Variants in NDST4 observed in about 807,000 individuals in gnomAD.
The protein encoded by NDST4 is N-deacetylase and N-sulfotransferase 4, also known as N-heparan sulfate sulfotransferase 4.
In NDST4, 63 loss-of-function variants were observed where a neutral mutation model predicts 100.8. The ratio of observed to expected loss-of-function variants is 0.62; its 90% CI spans 0.51 to 0.77. The LOEUF is 0.77. NDST4 is among the 30% of genes least tolerant of loss of function. NDST4 has a pLI of 0.00. For missense variants in NDST4, 943 were observed against 1,018.4 expected (o/e 0.93, Z 1.01); for synonymous variants, 377 against 361.8 (o/e 1.04, Z -0.48).
intron 2 of NDST4, among the ~76,000 whole-genome samples, chr4:115,012,094 T>C (rs1727560285): frequency 6.6e-6 from 1 of 151,852 alleles, no homozygotes; most frequent in Admixed American, 6.6e-5. Context: ...GATAAATTAC[T>C]TCACAAAAGA....
chr4:115,099,044 A>G (rs1729677258), intron 1 of NDST4, among the ~76,000 whole-genome samples: 1 of 152,204 alleles, frequency 6.6e-6, no homozygotes, highest in Non-Finnish European at 1.5e-5. Flanking sequence ...AGGTAATGCA[A>G]TGCAGAAAGG....
At position 114,929,074 on chromosome 4, in the gene NDST4, G is replaced by GTCCATCCA. The variant is rs1295994273; in HGVS notation, c.1536+6124_1536+6131dup. Among the ~76,000 whole-genome samples the GTCCATCCA allele has an allele frequency of 1.9e-3, 229 of 120,566 alleles. 4 individuals carry two copies. The highest frequency in any genetic ancestry group is 0.013 in the East Asian group (48 of 3,602). The allele number at this position is 120,566 out of a possible 152,430, so 79.1% of individuals were successfully genotyped here. ...CGTCCGTCCGTCCGTCCGTCCGTCCGTCCATCCATCCATCCATCCATCCAT... is the reference window on the plus strand; with the variant it reads ...CGTCCGTCCGTCCGTCCGTCCGTCCGTCCATCCATCCATCCATCCATCCATCCATCCAT... On this transcript the variant is annotated intron_variant, in intron 6 of 13. Coordinates refer to ENST00000264363, the MANE Select transcript of NDST4 (RefSeq NM_022569.3).
rs148165318 is a variant in NDST4, at chr4:114,870,877, A to G, written c.1610T>C (p.Val537Ala). The G allele has an allele frequency of 6.2e-7, 1 of 1,613,304 alleles. No individual in the cohort carries two copies. The highest frequency in any genetic ancestry group is 1.3e-5 in the African/African-American group (1 of 74,974). Residue 537 changes from valine to alanine, a missense_variant, in exon 7 of 14, where the codon GTC becomes GCC. By Grantham distance (64) the Val-to-Ala change is moderately conservative. Transcript: ENST00000264363. ...GTTGGTCCAGCTCTGCACAAAGTTG[A>G]CCAAGTTCACAAAGGTATATAACCC... is the stretch of plus-strand genomic sequence containing the variant. ...RLGLYTFVNLVNFVQSWTNLK... is the reference protein window; with the variant it reads ...RLGLYTFVNLANFVQSWTNLK...
intron 6 of NDST4, among the ~76,000 whole-genome samples, chr4:114,879,228 G>T (rs1045281957): frequency 6.6e-6 from 1 of 151,870 alleles, no homozygotes; most frequent in Admixed American, 6.6e-5. Flanking sequence ...ATTATTATTC[G>T]CTATAGTCCC....
chr4:114,971,312 C>T (rs958512156), intron 3 of NDST4, among the ~76,000 whole-genome samples: 4 of 151,846 alleles, frequency 2.6e-5, no homozygotes, highest in Non-Finnish European at 4.4e-5. Flanking sequence ...ACTAGTATCA[C>T]TTTCTCTTCT....
rs1388696193 is a variant in NDST4 at position 115,076,764 on chromosome 4, G to A, written c.273C>T (p.Leu91=). 3.2e-5 allele frequency: 51 copies of A among 1,613,776 alleles called. No homozygotes were observed. Among genetic ancestry groups the A allele is most frequent in the East Asian group, 1.1e-4 (5 of 44,828 alleles). Residue 91 remains leucine, a synonymous_variant, in exon 2 of 14, where the codon CTC becomes CTT. Transcript: ENST00000264363. ...CCAAAATAGCTATGATATCTTGACC[G>A]AGTTGAGAGTATTGGCTCTCCACGA... ...LLFVESQYSQ[L]GQDIIAILES... is the part of the protein sequence containing the mutation.
At chr4:115,089,749 A>G (rs188148498) in intron 1 of NDST4, among the ~76,000 whole-genome samples, 1 of 152,048 alleles carries the variant, frequency 6.6e-6, no homozygotes, top group East Asian at 1.9e-4. Flanking sequence ...GTTCAATGTT[A>G]TAATGTTTTA....
At chr4:114,996,540 A>G (rs1011256106) in intron 2 of NDST4, among the ~76,000 whole-genome samples, 4 of 152,052 alleles carry the variant, frequency 2.6e-5, no homozygotes, top group African/African-American at 9.7e-5. Flanking sequence ...TAAGTAATAG[A>G]AACATCCAAG....
At chr4:114,929,746 T>C (rs950799114) in intron 6 of NDST4, among the ~76,000 whole-genome samples, 8 of 152,220 alleles carry the variant, frequency 5.3e-5, no homozygotes, top group Admixed American at 5.2e-4. Context: ...TAGTCTTTTA[T>C]GTTATTTAAA....
At position 114,943,003 on chromosome 4, in the gene NDST4, A is replaced by G. The variant is rs948584840; in HGVS notation, c.1222-5500T>C. 2.3e-4 allele frequency among the ~76,000 whole-genome samples: 34 copies of G among 147,650 alleles called. 2 individuals carry two copies. Among genetic ancestry groups the G allele is most frequent in the Admixed American group, 1.6e-3 (24 of 14,730 alleles). On this transcript the variant is annotated intron_variant, in intron 4 of 13. Coordinates refer to ENST00000264363, the MANE Select transcript of NDST4 (RefSeq NM_022569.3). ...TAGAATTTATATATACTGATATATA[A>G]TATTTACATATATTATATAATATAA...
At chr4:114,930,913 T>G (rs1725498240) in intron 6 of NDST4, among the ~76,000 whole-genome samples, 1 of 152,014 alleles carries the variant, frequency 6.6e-6, no homozygotes, top group East Asian at 1.9e-4. Flanking sequence ...AAGGGTCAAG[T>G]TCTCTATCTT....
intron 6 of NDST4, among the ~76,000 whole-genome samples, chr4:114,882,867 C>T (rs1724399870): frequency 6.6e-6 from 1 of 151,716 alleles, no homozygotes; most frequent in Non-Finnish European, 1.5e-5. Flanking sequence ...GAAACATTAC[C>T]TATTGACACA....
chr4:114,833,290 C>A (rs762136415), intron 12 of NDST4, among the ~76,000 whole-genome samples: 15 of 152,082 alleles, frequency 9.9e-5, no homozygotes, highest in Non-Finnish European at 4.4e-5. Flanking sequence ...ATCTTTTTCA[C>A]CTTTGTAAAC....
intron 2 of NDST4, among the ~76,000 whole-genome samples, chr4:114,986,793 C>CATATATATATATATATATATATAT (rs59806494): frequency 6.6e-5 from 6 of 91,132 alleles, no homozygotes; most frequent in African/African-American, 1.8e-4. Context: ...TCCAATTATA[C>CATATATATATATATATATATATAT]ATATATATAT....
chr4:115,050,449 T>C (rs1219303757), intron 2 of NDST4, among the ~76,000 whole-genome samples: 1 of 151,864 alleles, frequency 6.6e-6, no homozygotes, highest in African/African-American at 2.4e-5. Context: ...TACACTGCTG[T>C]TTAGAATGTA....
chr4:115,003,867 C>CA (rs879877045), intron 2 of NDST4, among the ~76,000 whole-genome samples: 1,428 of 136,336 alleles, frequency 0.01, 25 homozygotes, highest in African/African-American at 0.031. Context: ...GACTCTGTCT[C>CA]AAAAAAAAAA....
chr4:114,959,771 A>T (rs896608465), intron 4 of NDST4, among the ~76,000 whole-genome samples: 1 of 152,170 alleles, frequency 6.6e-6, no homozygotes, highest in Non-Finnish European at 1.5e-5. Context: ...AAAATGAATG[A>T]CCAGAGCCTC....
chr4:115,010,474 G>T (rs1727518795), intron 2 of NDST4, among the ~76,000 whole-genome samples: 1 of 128,148 alleles, frequency 7.8e-6, no homozygotes, highest in East Asian at 2.5e-4. Context: ...CTCATAGGTG[G>T]GAATTGAACA....
chr4:115,105,481 AT>A, intron 1 of NDST4, among the ~76,000 whole-genome samples: 1 of 152,018 alleles, frequency 6.6e-6, no homozygotes, highest in East Asian at 1.9e-4. Context: ...CCACTGTGTA[AT>A]TTTACCCAGT....
Sources: gnomAD v4.1 joint callset for allele counts (sites outside exome capture counted in the v4.1 genomes callset) on GRCh38, gnomAD v4.1.1 for gene constraint, MANE v1.5 for transcripts, NCBI Gene and HGNC (gene_info 2026-07-23, HGNC 2026-07-21) for gene names.